ATP8A1: variants seen among roughly 807,000 people sequenced by gnomAD.
ATP8A1 encodes the protein phospholipid-transporting ATPase IA.
A neutral mutation model predicts 177.7 loss-of-function variants in ATP8A1; 90 were observed. That is an observed-to-expected ratio of 0.51 (90% CI 0.43 to 0.60). The LOEUF (loss-of-function observed/expected upper bound fraction) is 0.60, where lower values mean the gene tolerates loss of function less well. Ranked by LOEUF, ATP8A1 falls within the 20% of genes least tolerant of loss-of-function variation. The pLI is 0.00. For missense variants in ATP8A1, 1,072 were observed against 1,392.8 expected (o/e 0.77, Z 3.67); for synonymous variants, 493 against 485.9 (o/e 1.01, Z -0.19).
intron 1 of ATP8A1, among the ~76,000 whole-genome samples, chr4:42,644,001 CCGTGTCATCT>C: frequency 6.6e-6 from 1 of 152,266 alleles, no homozygotes; most frequent in East Asian, 1.9e-4. Context: ...CAGGTGGCTA[CCGTGTCATCT>C]GGTACTGAGC....
chr4:42,570,651 T>C (rs1039124578), intron 14 of ATP8A1, among the ~76,000 whole-genome samples: 2 of 152,232 alleles, frequency 1.3e-5, no homozygotes, highest in Non-Finnish European at 2.9e-5. Flanking sequence ...CGATGAGCAG[T>C]AGGTGGCCTG....
intron 30 of ATP8A1, among the ~76,000 whole-genome samples, chr4:42,449,014 T>C (rs1717627663): frequency 6.6e-6 from 1 of 151,698 alleles, no homozygotes; most frequent in African/African-American, 2.4e-5. Context: ...TTTTGTATTC[T>C]TAGTAGAGAC....
At chr4:42,549,946 A>T (rs1339590323) in intron 18 of ATP8A1, among the ~76,000 whole-genome samples, 1 of 152,226 alleles carries the variant, frequency 6.6e-6, no homozygotes, top group Non-Finnish European at 1.5e-5. Flanking sequence ...TAAATGAGAC[A>T]ATTTATATAT....
At chr4:42,645,822 C>T (rs1292761182) in intron 1 of ATP8A1, among the ~76,000 whole-genome samples, 1 of 152,062 alleles carries the variant, frequency 6.6e-6, no homozygotes, top group Non-Finnish European at 1.5e-5. Context: ...ACCATTCTGG[C>T]ATAGATGGTA....
chr4:42,592,645 G>A (rs1476969687), intron 6 of ATP8A1, among the ~76,000 whole-genome samples: 1 of 152,040 alleles, frequency 6.6e-6, no homozygotes, highest in African/African-American at 2.4e-5. Flanking sequence ...TAGCTTCTGA[G>A]GAATGCATTG....
chr4:42,532,137 G>GAC (rs947642957), intron 20 of ATP8A1, among the ~76,000 whole-genome samples: 8 of 151,332 alleles, frequency 5.3e-5, no homozygotes, highest in East Asian at 2.0e-4. Context: ...CAGACACACA[G>GAC]ACACACACAC....
intron 34 of ATP8A1, 42 bp from the exon 35 acceptor site, chr4:42,422,941 T>C (rs1200291823): frequency 6.7e-7 from 1 of 1,501,968 alleles, no homozygotes; most frequent in Admixed American, 1.8e-5. Context: ...GAAATACTTC[T>C]GTGAAGATTT....
chr4:42,535,265 T>C (rs989673620), intron 20 of ATP8A1, among the ~76,000 whole-genome samples: 3 of 152,018 alleles, frequency 2.0e-5, no homozygotes, highest in Admixed American at 6.5e-5. Flanking sequence ...GGTAAAAGGG[T>C]GGAAAAAGAT....
rs1732675587 is a variant in ATP8A1, at chr4:42,578,283, T to C, written c.1105A>G (p.Thr369Ala). 3.1e-6 allele frequency: 5 copies of C among 1,607,464 alleles called. No homozygotes were observed. The highest frequency in any genetic ancestry group is 3.4e-6 in the Non-Finnish European group (4 of 1,177,046). ...LLVTLEVVKF[T>A]QAYFINWDLD... Reference sequence around the variant, plus strand: ...ACCCAATTTATGAAGTATGCCTGGGTAAATTTCACAACTTCTAATGTAACC... The same window carrying C: ...ACCCAATTTATGAAGTATGCCTGGGCAAATTTCACAACTTCTAATGTAACC... Residue 369 changes from threonine to alanine, a missense_variant, in exon 12 of 37, where the codon ACC becomes GCC. Transcript: ENST00000381668.
At chr4:42,603,706 T>A (rs1352194474) in intron 5 of ATP8A1, among the ~76,000 whole-genome samples, 1 of 152,198 alleles carries the variant, frequency 6.6e-6, no homozygotes, top group East Asian at 1.9e-4. Flanking sequence ...AAAAATCTTC[T>A]CCACCATCAC....
intron 23 of ATP8A1, among the ~76,000 whole-genome samples, chr4:42,504,554 C>T (rs1219407621): frequency 6.6e-6 from 1 of 152,234 alleles, no homozygotes; most frequent in African/African-American, 2.4e-5. Flanking sequence ...CAACTTCTTA[C>T]CATTAAAACA....
rs1403175070 is a variant in ATP8A1, at chr4:42,411,008, A to C, written c.*1908T>G. On this transcript the variant is annotated 3_prime_UTR_variant, in exon 37 of 37. Coordinates refer to ENST00000381668, the MANE Select transcript of ATP8A1 (RefSeq NM_006095.2). ...GGAAGCCCAGGAAAAGCTGCTCTGA[A>C]TATTCATTCACTGGACAGGTAAAGA... 1 of 152,150 alleles carries C rather than the reference A, an allele frequency of 6.6e-6. No homozygotes were observed. Among genetic ancestry groups the C allele is most frequent in the Non-Finnish European group, 1.5e-5 (1 of 68,032 alleles). The allele number at this position is 152,150 out of a possible 1,614,324, so 9.4% of individuals were successfully genotyped here.
At chr4:42,524,062 C>A (rs568101173) in intron 21 of ATP8A1, among the ~76,000 whole-genome samples, 2 of 152,102 alleles carry the variant, frequency 1.3e-5, no homozygotes, top group African/African-American at 2.4e-5. Flanking sequence ...TTGTTAAGTA[C>A]GAGATAAGAC....
intron 5 of ATP8A1, among the ~76,000 whole-genome samples, chr4:42,608,208 C>T (rs1298743521): frequency 6.6e-6 from 1 of 152,158 alleles, no homozygotes; most frequent in African/African-American, 2.4e-5. Context: ...AGGACCCAAT[C>T]AAATAATGCA....
intron 10 of ATP8A1, 51 bp downstream of exon 10, chr4:42,581,570 T>C (rs765406644): frequency 3.1e-6 from 4 of 1,301,788 alleles, no homozygotes; most frequent in South Asian, 2.4e-5. Context: ...CTGTAAATCA[T>C]ACACTCACAA....
At chr4:42,558,751 T>G (rs1295568303) in intron 15 of ATP8A1, among the ~76,000 whole-genome samples, 2 of 152,194 alleles carry the variant, frequency 1.3e-5, no homozygotes, top group African/African-American at 4.8e-5. Context: ...TTTATAAATG[T>G]ACTAAAGATA....
chr4:42,592,812 T>C (rs558752715), intron 6 of ATP8A1, among the ~76,000 whole-genome samples: 137 of 152,232 alleles, frequency 9.0e-4, no homozygotes, highest in Non-Finnish European at 1.8e-3. Context: ...AGTAACACAA[T>C]ACTAAGTATT....
rs952852994 is a variant in ATP8A1, at chr4:42,603,064, T to TA, written c.410-2547dup. On this transcript the variant is annotated intron_variant, in intron 5 of 36. Transcript: ENST00000381668. Reference sequence around the variant, plus strand: ...CCCAATAGTAATACTTAGTTTTTTTTAAAAAAAAACTATAAGTGTCCAATA... The same window carrying TA: ...CCCAATAGTAATACTTAGTTTTTTTTAAAAAAAAAACTATAAGTGTCCAATA... 2.6e-4 allele frequency among the ~76,000 whole-genome samples: 39 copies of TA among 151,330 alleles called. No individual in the cohort carries two copies. The East Asian group carries it at 3.7e-3, about 14-fold the overall frequency.
chr4:42,481,419 A>G lies in ATP8A1; in HGVS notation c.2324+4077T>C, dbSNP rs533858475. On this transcript the variant is annotated intron_variant, in intron 25 of 36. Transcript: ENST00000381668. The stretch of plus-strand genomic sequence containing the variant: ...GAAGATAGGAATCACTGATATTCCA[A>G]TCTCTTCATTTTGTAGGTCACAAAA... Among the ~76,000 whole-genome samples the G allele has an allele frequency of 1.5e-4, 23 of 152,300 alleles. No individual in the cohort carries two copies. The South Asian group carries it at 4.8e-3, about 32-fold the overall frequency.
Sources: allele counts gnomAD v4.1 joint callset (sites outside exome capture counted in the v4.1 genomes callset), GRCh38; gene constraint gnomAD v4.1.1; transcripts MANE v1.5; gene names NCBI Gene and HGNC (gene_info 2026-07-23, HGNC 2026-07-21).